The following RNF8 variants were observed in gnomAD, a reference collection of about 807,000 sequenced individuals.
The protein encoded by RNF8 is ring finger protein 8.
In RNF8, 8 loss-of-function variants were observed where a neutral mutation model predicts 59.3. The ratio of observed to expected loss-of-function variants is 0.13; its 90% CI spans 0.08 to 0.24. The LOEUF (loss-of-function observed/expected upper bound fraction) is 0.24. Ranked by LOEUF, RNF8 falls within the 10% of genes least tolerant of loss-of-function variation. The pLI, the probability that RNF8 is intolerant of heterozygous loss-of-function variation, is 1.00. For synonymous variants in RNF8, 162 were observed against 200.0 expected (o/e 0.81, Z 1.60); for missense variants, 406 against 572.6 (o/e 0.71, Z 2.97).
At chr6:37,371,412 AG>A in intron 3 of RNF8, 99 bp from the exon 4 acceptor site, 1 of 890,652 alleles carries the variant, frequency 1.1e-6, no homozygotes, top group South Asian at 1.6e-5. Flanking sequence ...TGTTGTTTCC[AG>A]ATGCTCATAC....
At chr6:37,383,323 G>A (rs1259725053) in intron 7 of RNF8, among the ~76,000 whole-genome samples, 7 of 152,244 alleles carry the variant, frequency 4.6e-5, no homozygotes, top group Non-Finnish European at 1.0e-4. Context: ...TGGGTTTAGA[G>A]AAAATTCTCA....
chr6:37,380,441 C>T (rs555353050), intron 6 of RNF8, among the ~76,000 whole-genome samples: 6 of 152,062 alleles, frequency 3.9e-5, no homozygotes, highest in East Asian at 2.0e-4. Flanking sequence ...GAGGCCGAGG[C>T]GGGCAGATCA....
chr6:37,377,061 CTTTTTTTTTTTT>C (rs35985063), intron 6 of RNF8, 28 bp downstream of exon 6: 213 of 257,892 alleles, frequency 8.3e-4, no homozygotes, highest in East Asian at 6.8e-3. Flanking sequence ...CTCACCCCTT[CTTTTTTTTTTTT>C]TTTTTTTTTT....
chr6:37,363,275 C>T (rs1469729580), intron 2 of RNF8, among the ~76,000 whole-genome samples: 1 of 152,204 alleles, frequency 6.6e-6, no homozygotes, highest in Admixed American at 6.5e-5. Context: ...TTTTTACTCT[C>T]ACCTGGGGCA....
chr6:37,355,126 C>T (rs1252293366), intron 1 of RNF8, among the ~76,000 whole-genome samples: 26 of 151,920 alleles, frequency 1.7e-4, no homozygotes, highest in Admixed American at 1.6e-3. Flanking sequence ...GTTCCTGGCA[C>T]GGTTCAAGAT....
chr6:37,378,600 C>CAAAAAAAA (rs554259061), intron 6 of RNF8, among the ~76,000 whole-genome samples: 2 of 56,532 alleles, frequency 3.5e-5, no homozygotes, highest in Non-Finnish European at 8.2e-5. Context: ...GACTCCGTCT[C>CAAAAAAAA]AAAAAAAAAA....
chr6:37,378,046 C>T (rs774247612), intron 6 of RNF8, among the ~76,000 whole-genome samples: 7 of 152,186 alleles, frequency 4.6e-5, no homozygotes, highest in Non-Finnish European at 1.0e-4. Context: ...GTAATCCCAG[C>T]ACTTTGGAAG....
At chr6:37,374,434 C>A (rs541390690) in intron 4 of RNF8, among the ~76,000 whole-genome samples, 186 bp from the exon 5 acceptor site, 1 of 152,146 alleles carries the variant, frequency 6.6e-6, no homozygotes, top group African/African-American at 2.4e-5. Flanking sequence ...ACTGCCCTCT[C>A]CCCTGAAAAA....
chr6:37,362,762 G>A (rs1227418658), intron 2 of RNF8, among the ~76,000 whole-genome samples: 3 of 152,244 alleles, frequency 2.0e-5, no homozygotes, highest in Non-Finnish European at 4.4e-5. Context: ...TTTCTAACAA[G>A]TTAAAAACTC....
At chr6:37,376,338 AGTG>A (rs1179002409) in intron 5 of RNF8, among the ~76,000 whole-genome samples, 1 of 152,202 alleles carries the variant, frequency 6.6e-6, no homozygotes, top group Non-Finnish European at 1.5e-5. Context: ...ATACTGAAAA[AGTG>A]GTGTTTTAGT....
Position 37,374,681 on chromosome 6 carries a change from C to T in RNF8, c.1100C>T (p.Ala367Val). 6.2e-7 allele frequency: 1 copy of T among 1,613,962 alleles called. No homozygotes were observed. The highest frequency in any genetic ancestry group is 8.5e-7 in the Non-Finnish European group (1 of 1,179,952). ...SKKDFEAIIQ[A>V]KNKELEQTKE... Reference sequence around the variant, plus strand: ...AAGGACTTTGAAGCAATCATTCAAGCCAAGAACAAAGAATTAGAGCAGACC... The same window carrying T: ...AAGGACTTTGAAGCAATCATTCAAGTCAAGAACAAAGAATTAGAGCAGACC... The change falls in exon 5 of 8, where the codon GCC becomes GTC. Residue 367 changes from alanine to valine, a missense_variant. Ala to Val is a moderately conservative substitution (Grantham distance 64). This residue lies in a region of RNF8 where 285 missense variants were observed against 342.0 expected (regional missense o/e 0.83). Transcript: ENST00000373479.
intron 7 of RNF8, among the ~76,000 whole-genome samples, chr6:37,383,629 A>G (rs1770366332): frequency 1.3e-5 from 2 of 152,244 alleles, no homozygotes; most frequent in East Asian, 1.9e-4. Flanking sequence ...TTGAAGTTTC[A>G]TATGTTAGTG....
intron 6 of RNF8, among the ~76,000 whole-genome samples, chr6:37,377,771 G>A (rs920478835): frequency 2.6e-5 from 4 of 152,162 alleles, no homozygotes; most frequent in Admixed American, 2.0e-4. Context: ...TTAAACGAGG[G>A]GGTAAACGTC....
chr6:37,364,571 G>A (rs953514414), intron 2 of RNF8, among the ~76,000 whole-genome samples: 2 of 152,176 alleles, frequency 1.3e-5, no homozygotes, highest in African/African-American at 2.4e-5. Flanking sequence ...CCAAGTGCTG[G>A]CAAGCATGCA....
At chr6:37,375,254 C>T (rs1242202107) in intron 5 of RNF8, among the ~76,000 whole-genome samples, 1 of 152,196 alleles carries the variant, frequency 6.6e-6, no homozygotes, top group African/African-American at 2.4e-5. Context: ...ACCCCCATCC[C>T]AGGAGGCAAC....
At chr6:37,381,067 T>C in intron 6 of RNF8, 83 bp from the exon 7 acceptor site, 2 of 1,181,522 alleles carry the variant, frequency 1.7e-6, no homozygotes, top group Admixed American at 1.7e-5. Flanking sequence ...TGAAATTCAC[T>C]CCTGTCCTAA....
At chr6:37,377,061 CTTTTTT>C (rs35985063) in intron 6 of RNF8, 28 bp downstream of exon 6, 199 of 257,638 alleles carry the variant, frequency 7.7e-4, no homozygotes, top group East Asian at 1.3e-3. Flanking sequence ...CTCACCCCTT[CTTTTTT>C]TTTTTTTTTT....
At chr6:37,386,880 T>C (rs1770527853) in intron 7 of RNF8, among the ~76,000 whole-genome samples, 1 of 152,230 alleles carries the variant, frequency 6.6e-6, no homozygotes, top group Admixed American at 6.5e-5. Context: ...TGCCCTTTTT[T>C]GATTTTTAGT....
In RNF8 at chr6:37,360,443, C is replaced by T. The variant is rs1769271201; in HGVS notation, c.112-3C>T. 1 of 1,613,480 alleles carries T rather than the reference C, an allele frequency of 6.2e-7. No homozygotes were observed. Among genetic ancestry groups the T allele is most frequent in the African/African-American group, 1.3e-5 (1 of 74,836 alleles). On this transcript the variant is annotated splice_region_variant and splice_polypyrimidine_tract_variant and intron_variant, in intron 1 of 7. Coordinates refer to ENST00000373479, the MANE Select transcript of RNF8 (RefSeq NM_003958.4). This position sits in a 1 kb window ranked among gnomAD's most constrained non-coding sequence, Gnocchi z 4.2. The stretch of plus-strand genomic sequence containing the variant: ...TATTTCTTGCATTGTTGTTGTCTCC[C>T]AGGTGACTGTAGGACGAGGATTTGG...
Sources: gnomAD v4.1 joint callset for allele counts (sites outside exome capture counted in the v4.1 genomes callset) on GRCh38, gnomAD v4.1.1 for gene constraint, gnomAD v4.1.1 regional missense constraint, Gnocchi (gnomAD v3.1) non-coding constraint, MANE v1.5 for transcripts, NCBI Gene and HGNC (gene_info 2026-07-23, HGNC 2026-07-21) for gene names.